ST6GALNAC5: variants seen among roughly 807,000 people sequenced by gnomAD.
ST6GALNAC5 encodes the protein alpha-N-acetylgalactosaminide alpha-2,6-sialyltransferase 5.
A neutral mutation model predicts 33.6 loss-of-function variants in ST6GALNAC5; 27 were observed. The observed-to-expected ratio is 0.80, with a 90% confidence interval of 0.59 to 1.11. ST6GALNAC5 has a LOEUF of 1.11. ST6GALNAC5 is among the 50% of genes least tolerant of loss of function. The pLI, the probability that ST6GALNAC5 is intolerant of heterozygous loss-of-function variation, is 0.00. For missense variants in ST6GALNAC5, 428 were observed against 454.0 expected, an observed-to-expected ratio of 0.94 and a Z score of 0.52; for synonymous variants, 194 against 171.2, an observed-to-expected ratio of 1.13 and a Z score of -1.04.
chr1:77,008,376 C>A (rs1650506162), intron 2 of ST6GALNAC5, among the ~76,000 whole-genome samples: 1 of 152,194 alleles, frequency 6.6e-6, no homozygotes, highest in African/African-American at 2.4e-5. Context: ...GGGCAAATGA[C>A]TTAACCTCTC....
At chr1:77,055,578 G>A (rs1237960440) in intron 4 of ST6GALNAC5, among the ~76,000 whole-genome samples, 1 of 152,210 alleles carries the variant, frequency 6.6e-6, no homozygotes, top group African/African-American at 2.4e-5. Flanking sequence ...AAATAGCAGA[G>A]CTGGAATTTG....
chr1:76,938,096 A>G (rs1647234991), intron 2 of ST6GALNAC5, among the ~76,000 whole-genome samples: 1 of 152,096 alleles, frequency 6.6e-6, no homozygotes, highest in Non-Finnish European at 1.5e-5. Context: ...AAAGGAGGAG[A>G]TAATTTCAGA....
Position 76,868,705 on chromosome 1 carries a change from G to T in ST6GALNAC5, c.224G>T (p.Arg75Leu), listed in dbSNP as rs952554580. 1.3e-6 allele frequency: 2 copies of T among 1,532,902 alleles called. No individual in the cohort carries two copies. Among genetic ancestry groups the T allele is most frequent in the Non-Finnish European group, 1.8e-6 (2 of 1,140,942 alleles). The allele number at this position is 1,532,902 out of a possible 1,614,324, so 95.0% of individuals were successfully genotyped here. A position where few individuals can be genotyped will look rare whatever the true frequency, so the allele number is the denominator to read the frequency against. ...CGCCCCGGGGTCCCCGCGGGACCGC[G>T]GCCACTGGACGGATACCTCGGAGTG... ...QQRPGVPAGP[R>L]PLDGYLGVAD... The change falls in exon 2 of 5, where the codon CGG becomes CTG. Residue 75 changes from arginine (R) to leucine (L), a missense_variant. Transcript: ENST00000477717. The surrounding 1 kb of genome is among the most constrained non-coding windows in gnomAD (Gnocchi z 4.3).
At chr1:77,012,388 G>A (rs182900736) in intron 2 of ST6GALNAC5, among the ~76,000 whole-genome samples, 35 of 152,228 alleles carry the variant, frequency 2.3e-4, no homozygotes, top group African/African-American at 6.5e-4. Flanking sequence ...TCCTTGCTCC[G>A]GAAATAAGGA....
In ST6GALNAC5 at chr1:77,067,446, CAG is replaced by C. The variant is rs1234962089; in HGVS notation, c.*4244_*4245del. 6.6e-6 allele frequency among the ~76,000 whole-genome samples: 1 copy of C among 152,164 alleles called. No individual in the cohort carries two copies. Among genetic ancestry groups the C allele is most frequent in the Non-Finnish European group, 1.5e-5 (1 of 68,024 alleles). On this transcript the variant is annotated 3_prime_UTR_variant, in exon 5 of 5. Transcript: ENST00000477717. Reference sequence around the variant, plus strand: ...AATTAGATTGTAAGCTCCTTGAGGGCAGAGACTCTTTCTCCTTTGTCTCTGCA... The same window carrying C: ...AATTAGATTGTAAGCTCCTTGAGGGCAGACTCTTTCTCCTTTGTCTCTGCA...
chr1:77,013,492 C>G (rs551897039), intron 2 of ST6GALNAC5, among the ~76,000 whole-genome samples: 3 of 152,306 alleles, frequency 2.0e-5, no homozygotes, highest in Admixed American at 2.0e-4. Flanking sequence ...CCAACTGTTG[C>G]TGTCTGTCTT....
At chr1:76,895,213 G>C in intron 2 of ST6GALNAC5, among the ~76,000 whole-genome samples, 1 of 152,012 alleles carries the variant, frequency 6.6e-6, no homozygotes, top group Non-Finnish European at 1.5e-5. Flanking sequence ...GGGCTCAGAG[G>C]CCTGACATTC....
intron 2 of ST6GALNAC5, among the ~76,000 whole-genome samples, chr1:76,997,714 G>A (rs1649990893): frequency 6.6e-6 from 1 of 152,120 alleles, no homozygotes; most frequent in Admixed American, 6.6e-5. Context: ...TAAAAACACT[G>A]TATACTGAGC....
At chr1:77,046,452 A>G (rs1162245493) in intron 3 of ST6GALNAC5, among the ~76,000 whole-genome samples, 1 of 152,214 alleles carries the variant, frequency 6.6e-6, no homozygotes, top group East Asian at 1.9e-4. Flanking sequence ...TGCACCAGGC[A>G]GGAGGCATGG....
At chr1:76,883,055 C>T (rs1177990610) in intron 2 of ST6GALNAC5, among the ~76,000 whole-genome samples, 4 of 152,206 alleles carry the variant, frequency 2.6e-5, no homozygotes, top group African/African-American at 4.8e-5. Flanking sequence ...GTATACCCAA[C>T]GTTCTCTTAT....
At chr1:76,973,416 T>TTTATTATTA (rs144074793) in intron 2 of ST6GALNAC5, among the ~76,000 whole-genome samples, 2 of 148,642 alleles carry the variant, frequency 1.3e-5, no homozygotes, top group African/African-American at 5.0e-5. Context: ...AGCAGTCAGG[T>TTTATTATTA]TTATTATTAT....
At chr1:76,897,250 G>C (rs146882874) in intron 2 of ST6GALNAC5, among the ~76,000 whole-genome samples, 1 of 152,048 alleles carries the variant, frequency 6.6e-6, no homozygotes, top group Non-Finnish European at 1.5e-5. Context: ...AAAGAAAGCA[G>C]GTTTGAGATC....
chr1:76,974,003 C>CT (rs1289833023), intron 2 of ST6GALNAC5, among the ~76,000 whole-genome samples: 4 of 151,922 alleles, frequency 2.6e-5, no homozygotes, highest in Admixed American at 2.0e-4. Flanking sequence ...TCTTTGCTCT[C>CT]TTATTTGGTT....
At chr1:77,001,779 T>G (rs1217733962) in intron 2 of ST6GALNAC5, among the ~76,000 whole-genome samples, 1 of 149,450 alleles carries the variant, frequency 6.7e-6, no homozygotes, top group Non-Finnish European at 1.5e-5. Context: ...TCTGTTTATA[T>G]GCTGGATTAC....
intron 2 of ST6GALNAC5, among the ~76,000 whole-genome samples, chr1:76,894,740 G>C (rs1654088687): frequency 6.6e-6 from 1 of 152,186 alleles, no homozygotes; most frequent in African/African-American, 2.4e-5. Flanking sequence ...AAGTGGATAG[G>C]AGGAGGGTAA....
rs918588017 is a variant in ST6GALNAC5, at chr1:77,064,786, T to C, written c.*1580T>C. On this transcript the variant is annotated 3_prime_UTR_variant, in exon 5 of 5. Transcript: ENST00000477717. ...AATTTGAAGGCACCAGCAAATATTA[T>C]GTATGAAGACTGACATTGTTTTACA... The C allele has an allele frequency of 6.6e-6, 1 of 152,224 alleles. No homozygotes were observed. The highest frequency in any genetic ancestry group is 1.5e-5 in the Non-Finnish European group (1 of 68,026). 9.4% of individuals were successfully genotyped at this position (152,224 alleles called of 1,614,324 possible).
chr1:76,932,484 T>A (rs903670724), intron 2 of ST6GALNAC5, among the ~76,000 whole-genome samples: 4 of 152,068 alleles, frequency 2.6e-5, no homozygotes, highest in Admixed American at 6.6e-5. Context: ...GGTAAGTATG[T>A]AAGTAGGTAA....
At chr1:76,952,531 G>C (rs774386709) in intron 2 of ST6GALNAC5, among the ~76,000 whole-genome samples, 2 of 151,988 alleles carry the variant, frequency 1.3e-5, no homozygotes, top group African/African-American at 2.4e-5. Context: ...GATTTAAATA[G>C]CTAGAATGAA....
chr1:76,981,813 G>C (rs1001525751), intron 2 of ST6GALNAC5, among the ~76,000 whole-genome samples: 11 of 152,172 alleles, frequency 7.2e-5, no homozygotes, highest in Non-Finnish European at 1.3e-4. Flanking sequence ...AGCAATATTT[G>C]CTGTTCTGCA....
Sources: gnomAD v4.1 joint callset for allele counts (sites outside exome capture counted in the v4.1 genomes callset) on GRCh38, gnomAD v4.1.1 for gene constraint, Gnocchi (gnomAD v3.1) non-coding constraint, MANE v1.5 for transcripts, NCBI Gene and HGNC (gene_info 2026-07-23, HGNC 2026-07-21) for gene names.